DCPH1: variants seen among roughly 807,000 people sequenced by gnomAD.
DCPH1 encodes the protein damage-control phosphatase 1.
the DCPH1 span, chr6:151,468,841 T>C: frequency 1.8e-4 from 298 of 1,614,214 alleles, 4 homozygotes; most frequent in Middle Eastern, 1.3e-3. Flanking sequence ...ACCTGACTTA[T>C]ATGCTGAACT....
chr6:151,453,014 C>T, the DCPH1 span, among the ~76,000 whole-genome samples: 1 of 152,224 alleles, frequency 6.6e-6, no homozygotes, highest in Non-Finnish European at 1.5e-5. Context: ...CGTCACGCTA[C>T]TGATTCTTGG....
chr6:151,454,501 T>G, the DCPH1 span: 1 of 870,894 alleles, frequency 1.1e-6, no homozygotes, highest in African/African-American at 1.7e-5. Flanking sequence ...GCCAGTCTTC[T>G]AGTATTGATG....
At chr6:151,466,698 C>G in the DCPH1 span, among the ~76,000 whole-genome samples, 1 of 152,142 alleles carries the variant, frequency 6.6e-6, no homozygotes, top group Non-Finnish European at 1.5e-5. Flanking sequence ...GCTGATCCTC[C>G]CTATCAAAAC....
the DCPH1 span, among the ~76,000 whole-genome samples, chr6:151,455,037 G>C: frequency 7.9e-3 from 1,209 of 152,256 alleles, 21 homozygotes; most frequent in African/African-American, 0.027. Flanking sequence ...TTGAGATCTT[G>C]AGTCCTGGAA....
At chr6:151,467,120 T>A in the DCPH1 span, among the ~76,000 whole-genome samples, 1 of 151,550 alleles carries the variant, frequency 6.6e-6, no homozygotes, top group East Asian at 1.9e-4. Context: ...GGCGTGGTGG[T>A]GGGCGGCTGT....
the DCPH1 span, among the ~76,000 whole-genome samples, chr6:151,458,997 CA>C: frequency 6.6e-6 from 1 of 152,008 alleles, no homozygotes; most frequent in African/African-American, 2.4e-5. Flanking sequence ...ATTAGCGAGG[CA>C]TGGTGGCACG....
the DCPH1 span, among the ~76,000 whole-genome samples, chr6:151,468,119 C>T: frequency 1.3e-5 from 2 of 152,196 alleles, no homozygotes; most frequent in South Asian, 4.1e-4. Flanking sequence ...TTTTTAAGTC[C>T]ATTACATACT....
the DCPH1 span, among the ~76,000 whole-genome samples, chr6:151,456,616 C>T: frequency 6.6e-6 from 1 of 152,130 alleles, no homozygotes; most frequent in African/African-American, 2.4e-5. Context: ...AGTATTTGGT[C>T]ATATACGCAA....
the DCPH1 span, chr6:151,458,531 A>G: frequency 6.2e-7 from 1 of 1,612,972 alleles, no homozygotes; most frequent in Non-Finnish European, 8.5e-7. Context: ...TGTTGGTAGA[A>G]TGTTACATGT....
the DCPH1 span, among the ~76,000 whole-genome samples, chr6:151,455,969 G>GTT: frequency 6.6e-6 from 1 of 152,254 alleles, no homozygotes; most frequent in Admixed American, 6.5e-5. Flanking sequence ...TCAAGCATCT[G>GTT]TTTAACAAAG....
At chr6:151,458,463 C>T in the DCPH1 span, 1 of 1,613,388 alleles carries the variant, frequency 6.2e-7, no homozygotes. Flanking sequence ...CCTAGAATAT[C>T]AACAGAGTCT....
At chr6:151,457,696 C>G in the DCPH1 span, among the ~76,000 whole-genome samples, 6 of 152,034 alleles carry the variant, frequency 3.9e-5, no homozygotes, top group East Asian at 5.8e-4. Flanking sequence ...TATAAAAATA[C>G]TCAGGCTTGA....
the DCPH1 span, among the ~76,000 whole-genome samples, chr6:151,458,811 A>G: frequency 2.6e-5 from 4 of 152,340 alleles, no homozygotes; most frequent in African/African-American, 9.6e-5. Flanking sequence ...ATTATAATCT[A>G]CTTGCCTAGA....
chr6:151,458,501 A>G, the DCPH1 span: 191 of 1,613,046 alleles, frequency 1.2e-4, 1 homozygote, highest in African/African-American at 2.3e-3. Context: ...GAAAATCAAG[A>G]TGGTTCTACT....
chr6:151,453,380 T>TA, the DCPH1 span, among the ~76,000 whole-genome samples: 5 of 152,360 alleles, frequency 3.3e-5, no homozygotes, highest in South Asian at 1.0e-3. Context: ...AAAAAGGACT[T>TA]ACTATACCTA....
the DCPH1 span, among the ~76,000 whole-genome samples, chr6:151,458,927 C>A: frequency 6.6e-6 from 1 of 152,216 alleles, no homozygotes; most frequent in Non-Finnish European, 1.5e-5. Flanking sequence ...TGCTTGAGGT[C>A]AGGAGTTCGA....
At chr6:151,467,748 T>C in the DCPH1 span, among the ~76,000 whole-genome samples, 2 of 152,194 alleles carry the variant, frequency 1.3e-5, no homozygotes, top group Admixed American at 1.3e-4. Flanking sequence ...TGTAATTGAG[T>C]ATTAATTCAA....
chr6:151,465,385 C>A, the DCPH1 span, among the ~76,000 whole-genome samples: 1 of 152,004 alleles, frequency 6.6e-6, no homozygotes, highest in East Asian at 1.9e-4. Context: ...AGGAAAAGGG[C>A]GTTGGGAATG....
the DCPH1 span, chr6:151,458,301 C>T: frequency 1.9e-6 from 3 of 1,601,552 alleles, no homozygotes; most frequent in South Asian, 1.1e-5. Context: ...CACACACACA[C>T]AATTTATTTT....
Sources: allele counts gnomAD v4.1 joint callset (sites outside exome capture counted in the v4.1 genomes callset), GRCh38; gene constraint gnomAD v4.1.1; transcripts MANE v1.5; gene names NCBI Gene and HGNC (gene_info 2026-07-23, HGNC 2026-07-21).